Variants in SHCBP1 observed in about 807,000 individuals in gnomAD.
SHCBP1 encodes the protein SHC binding and spindle associated 1.
A neutral mutation model predicts 75.1 loss-of-function variants in SHCBP1; 60 were observed. The ratio of observed to expected loss-of-function variants is 0.80; its 90% confidence interval spans 0.65 to 0.99. The LOEUF (loss-of-function observed/expected upper bound fraction) is 0.99, where lower values mean the gene tolerates loss of function less well. Ranked by LOEUF, SHCBP1 falls within the 50% of genes least tolerant of loss-of-function variation. SHCBP1 has a pLI of 0.00. For missense variants in SHCBP1, 709 were observed against 809.4 expected (o/e 0.88, Z 1.50); for synonymous variants, 290 against 293.2 (o/e 0.99, Z 0.11).
intron 1 of SHCBP1, among the ~76,000 whole-genome samples, chr16:46,618,823 T>G (rs1965542915): frequency 6.6e-6 from 1 of 152,206 alleles, no homozygotes; most frequent in Non-Finnish European, 1.5e-5. Context: ...CAGTTGATTT[T>G]TAATTCAGTG....
rs1014333552 is a variant in SHCBP1, at chr16:46,581,719, A to G, written c.*10T>C. 10 of 1,607,738 alleles carry G rather than the reference A, an allele frequency of 6.2e-6. No homozygotes were observed. Among genetic ancestry groups the G allele is most frequent in the Admixed American group, 1.7e-5 (1 of 59,720 alleles). On this transcript the variant is annotated 3_prime_UTR_variant, in exon 13 of 13. Transcript: ENST00000303383. ...ATCCAGTATTTTGCTATCTACTTAC[A>G]TCACTGTAGTCAGAAAAGAAATGTG...
rs1316068228 is a variant in SHCBP1 at position 46,578,698 on chromosome 16, T to A, written c.*3031A>T. Among the ~76,000 whole-genome samples, 3 of 152,168 alleles carry A rather than the reference T, an allele frequency of 2.0e-5. No homozygotes were observed. The highest frequency in any genetic ancestry group is 7.2e-5 in the African/African-American group (3 of 41,452). Reference sequence around the variant, plus strand: ...AAAACATATACATATATATATTTAATCACAGAATAAAACAAAATGTTATAA... The same window carrying A: ...AAAACATATACATATATATATTTAAACACAGAATAAAACAAAATGTTATAA... On this transcript the variant is annotated 3_prime_UTR_variant, in exon 13 of 13. Coordinates refer to ENST00000303383, the MANE Select transcript of SHCBP1 (RefSeq NM_024745.5).
chr16:46,579,682 C>T lies in SHCBP1; in HGVS notation c.*2047G>A, dbSNP rs1964841612. Among the ~76,000 whole-genome samples, 1 of 151,840 alleles carries T rather than the reference C, an allele frequency of 6.6e-6. No individual in the cohort carries two copies. Among genetic ancestry groups the T allele is most frequent in the African/African-American group, 2.4e-5 (1 of 41,310 alleles). On this transcript the variant is annotated 3_prime_UTR_variant, in exon 13 of 13. Coordinates refer to ENST00000303383, the MANE Select transcript of SHCBP1 (RefSeq NM_024745.5). ...CAGGCACGTGGCTCATGCCTGTAAT[C>T]CCAGCACTTTGGGAGGCCAAGGTGG...
intron 7 of SHCBP1, 65 bp downstream of exon 7, chr16:46,603,910 T>G: frequency 1.3e-6 from 2 of 1,537,464 alleles, no homozygotes; most frequent in East Asian, 2.3e-5. Context: ...TTTGTGGGAT[T>G]TGTGAAAACC....
intron 10 of SHCBP1, among the ~76,000 whole-genome samples, chr16:46,584,440 C>T (rs1286708770): frequency 6.6e-6 from 1 of 151,694 alleles, no homozygotes; most frequent in African/African-American, 2.4e-5. Flanking sequence ...TGTTGAAAGA[C>T]ACACTTATTC....
At chr16:46,582,868 GA>G (rs1964894305) in intron 12 of SHCBP1, among the ~76,000 whole-genome samples, 1 of 152,188 alleles carries the variant, frequency 6.6e-6, no homozygotes, top group African/African-American at 2.4e-5. Context: ...TGAAAAAGCT[GA>G]TTAAATAAAT....
chr16:46,594,179 G>A (rs544991933), intron 10 of SHCBP1, among the ~76,000 whole-genome samples: 1 of 152,056 alleles, frequency 6.6e-6, no homozygotes, highest in African/African-American at 2.4e-5. Flanking sequence ...AGAAAATCAG[G>A]ATCTATGGCT....
intron 5 of SHCBP1, among the ~76,000 whole-genome samples, chr16:46,604,881 A>T (rs1407128660): frequency 6.6e-6 from 1 of 152,232 alleles, no homozygotes; most frequent in Non-Finnish European, 1.5e-5. Context: ...GTTTCACAAC[A>T]ATGTTTAAGA....
chr16:46,583,988 T>C lies in SHCBP1; in HGVS notation c.1551+15A>G, dbSNP rs1397335449. ...TTCTATCCATTGAAAAGTGGGTGTT[T>C]TGGCTGATGCTCACCTTAATGAGGA... On this transcript the variant is annotated intron_variant, in intron 11 of 12. Transcript: ENST00000303383. 6.3e-7 allele frequency: 1 copy of C among 1,594,878 alleles called. No individual in the cohort carries two copies. The highest frequency in any genetic ancestry group is 1.7e-5 in the Admixed American group (1 of 57,608).
chr16:46,591,139 G>A (rs1486189472), intron 10 of SHCBP1, among the ~76,000 whole-genome samples: 2 of 152,134 alleles, frequency 1.3e-5, no homozygotes, highest in East Asian at 3.9e-4. Context: ...TACACAGGGT[G>A]GGGAACATCA....
At position 46,616,173 on chromosome 16, in the gene SHCBP1, T is replaced by C; in HGVS notation, c.388-19A>G. 1 of 1,608,004 alleles carries C rather than the reference T, an allele frequency of 6.2e-7. No individual in the cohort carries two copies. The highest frequency in any genetic ancestry group is 1.3e-5 in the African/African-American group (1 of 74,916). ...CTGTGATCTGAAATTTAAAATAATG[T>C]GACTTAACACATGGAAATCAAAATG... On this transcript the variant is annotated intron_variant, in intron 3 of 12. Coordinates refer to ENST00000303383, the MANE Select transcript of SHCBP1 (RefSeq NM_024745.5). The surrounding 1 kb of genome is among the most constrained non-coding windows in gnomAD (Gnocchi z 4.4).
chr16:46,619,781 T>C (rs1965557163), intron 1 of SHCBP1, among the ~76,000 whole-genome samples: 1 of 152,188 alleles, frequency 6.6e-6, no homozygotes, highest in Admixed American at 6.5e-5. Context: ...ACACCTGTAA[T>C]CTCAGCACTT....
chr16:46,604,234 A>G lies in SHCBP1; in HGVS notation c.917T>C (p.Leu306Ser), dbSNP rs767934484. The change falls in exon 6 of 13, where the codon TTG (leucine) becomes TCG (serine). Residue 306 changes from leucine (L) to serine (S), a missense_variant. Physicochemically the swap from Leu to Ser is moderately radical, Grantham distance 145. Transcript: ENST00000303383. ...ATTACAAAGACACACATACCTCAAC[A>G]AAGGATTCTCAATGAGTTTCAGCTT... ...KQKLKLIENP[L>S]LRYVFGYQKN... The G allele has an allele frequency of 3.1e-6, 5 of 1,614,198 alleles. No individual in the cohort carries two copies. The South Asian group carries it at 5.5e-5, about 18-fold the overall frequency.
At chr16:46,584,211 T>G (rs576150917) in intron 10 of SHCBP1, 122 bp from the exon 11 acceptor site, 126 of 595,852 alleles carry the variant, frequency 2.1e-4, no homozygotes, top group Non-Finnish European at 3.4e-4. Context: ...ATAAAGTACT[T>G]TACAGATAAG....
At chr16:46,601,560 A>C (rs1211415302) in intron 8 of SHCBP1, among the ~76,000 whole-genome samples, 2 of 152,200 alleles carry the variant, frequency 1.3e-5, no homozygotes, top group South Asian at 2.1e-4. Context: ...ATGTATCTAC[A>C]CTGGAAGAGG....
intron 10 of SHCBP1, among the ~76,000 whole-genome samples, chr16:46,593,366 T>C (rs1319506941): frequency 6.6e-6 from 1 of 152,088 alleles, no homozygotes; most frequent in Non-Finnish European, 1.5e-5. Flanking sequence ...AAAAGTGAAA[T>C]AATTAGGTAC....
intron 10 of SHCBP1, among the ~76,000 whole-genome samples, chr16:46,584,781 C>G (rs1441587329): frequency 6.6e-6 from 1 of 152,108 alleles, no homozygotes; most frequent in Non-Finnish European, 1.5e-5. Flanking sequence ...CTCTGGAAAA[C>G]AAAAATGATT....
intron 5 of SHCBP1, among the ~76,000 whole-genome samples, chr16:46,606,206 C>T (rs1965324950): frequency 6.6e-6 from 1 of 152,128 alleles, no homozygotes; most frequent in Non-Finnish European, 1.5e-5. Context: ...AGTTCTGAAG[C>T]AGTGTTGGTT....
intron 10 of SHCBP1, among the ~76,000 whole-genome samples, chr16:46,586,298 G>A (rs1158570964): frequency 6.6e-6 from 1 of 152,132 alleles, no homozygotes; most frequent in Non-Finnish European, 1.5e-5. Flanking sequence ...GGAAATTTTA[G>A]AATTGAAAAA....
Sources: allele counts gnomAD v4.1 joint callset (sites outside exome capture counted in the v4.1 genomes callset), GRCh38; gene constraint gnomAD v4.1.1; non-coding constraint Gnocchi (gnomAD v3.1); transcripts MANE v1.5; gene names NCBI Gene and HGNC (gene_info 2026-07-23, HGNC 2026-07-21).